Variants in IDE observed in about 807,000 individuals in gnomAD.
IDE encodes insulin-degrading enzyme.
Under a neutral mutation model 133.2 loss-of-function variants are expected in IDE, and 58 were observed. The observed-to-expected ratio is 0.44, with a 90% CI of 0.35 to 0.54. IDE has a LOEUF of 0.54. Ranked by LOEUF, IDE falls within the 20% of genes least tolerant of loss-of-function variation. IDE has a pLI of 0.00. For missense variants in IDE, 981 were observed against 1,234.0 expected (o/e 0.79, Z 3.07); for synonymous variants, 396 against 421.3 (o/e 0.94, Z 0.73).
chr10:92,548,155 T>C (rs759059800), intron 1 of IDE, among the ~76,000 whole-genome samples: 1 of 150,416 alleles, frequency 6.6e-6, no homozygotes, highest in Non-Finnish European at 1.5e-5. Context: ...AGGTCGGGAG[T>C]TCAAGACCAG....
chr10:92,537,043 AAAAAAG>A (rs1224242644), intron 2 of IDE, among the ~76,000 whole-genome samples: 5 of 152,100 alleles, frequency 3.3e-5, no homozygotes, highest in African/African-American at 1.2e-4. Flanking sequence ...CTCAAAAAAA[AAAAAAG>A]AAAAAGAAAA....
intron 1 of IDE, among the ~76,000 whole-genome samples, chr10:92,560,654 G>A (rs556079194): frequency 1.5e-4 from 23 of 152,060 alleles, no homozygotes; most frequent in Admixed American, 7.2e-4. Context: ...ATGGTGGTGC[G>A]CACCTGTAGT....
At chr10:92,539,038 T>G (rs868520714) in intron 1 of IDE, among the ~76,000 whole-genome samples, 15 of 151,360 alleles carry the variant, frequency 9.9e-5, no homozygotes, top group African/African-American at 3.4e-4. Context: ...TTAAAATCTC[T>G]AGAGATTGAG....
Position 92,531,927 on chromosome 10 carries a change from C to G in IDE, c.492-10G>C, listed in dbSNP as rs768247108. The G allele has an allele frequency of 6.8e-7, 1 of 1,468,914 alleles. No homozygotes were observed. Among genetic ancestry groups the G allele is most frequent in the South Asian group, 1.5e-5 (1 of 65,906 alleles). 91.0% of individuals were successfully genotyped at this position (1,468,914 alleles called of 1,614,324 possible). A position where few individuals can be genotyped will look rare whatever the true frequency, so the allele number is the denominator to read the frequency against. On this transcript the variant is annotated splice_polypyrimidine_tract_variant and intron_variant, in intron 3 of 24. Transcript: ENST00000265986. ...AAAAAACTGTGCAAACCTAAGGGTA[C>G]GAAACATAATTAAAACTTGAAAGAT...
intron 1 of IDE, among the ~76,000 whole-genome samples, chr10:92,565,650 C>T (rs1020985589): frequency 2.0e-5 from 3 of 152,116 alleles, no homozygotes; most frequent in African/African-American, 7.2e-5. Flanking sequence ...TATATCCATC[C>T]ATGTCCGTGT....
chr10:92,564,995 C>T (rs1040679331), intron 1 of IDE, among the ~76,000 whole-genome samples: 1 of 151,912 alleles, frequency 6.6e-6, no homozygotes, highest in Non-Finnish European at 1.5e-5. Flanking sequence ...CCTGTAATCC[C>T]AGCACTTTGG....
rs78681575 is a variant in IDE, at chr10:92,560,329, T to C, written c.98+13593A>G. On this transcript the variant is annotated intron_variant, in intron 1 of 24. Coordinates refer to ENST00000265986, the MANE Select transcript of IDE (RefSeq NM_004969.4). ...TCCTATCTGCCTTATTTATGTGACC[T>C]GACTGACCAGAAATCCTAATGTAGC... 2.5e-3 allele frequency among the ~76,000 whole-genome samples: 381 copies of C among 152,334 alleles called. 13 individuals carry two copies. The East Asian group carries it at 0.066, about 26-fold the overall frequency.
chr10:92,528,476 A>G (rs1486675540), intron 4 of IDE, among the ~76,000 whole-genome samples: 2 of 151,462 alleles, frequency 1.3e-5, no homozygotes, highest in African/African-American at 2.4e-5. Context: ...AAAAAAAAAC[A>G]GAATATAAGG....
At chr10:92,549,515 G>A (rs1842685092) in intron 1 of IDE, among the ~76,000 whole-genome samples, 4 of 151,984 alleles carry the variant, frequency 2.6e-5, no homozygotes, top group Admixed American at 2.6e-4. Context: ...ATAAAGAGAG[G>A]AGAAAAACTG....
chr10:92,474,622 G>A (rs1401580484), intron 17 of IDE: 2 of 419,248 alleles, frequency 4.8e-6, no homozygotes, highest in South Asian at 6.2e-5. Flanking sequence ...ATTTGTTTGG[G>A]TTGGGAATGT....
intron 5 of IDE, 112 bp from the exon 6 acceptor site, chr10:92,510,274 T>C: frequency 1.9e-6 from 1 of 516,842 alleles, no homozygotes; most frequent in Non-Finnish European, 3.4e-6. Flanking sequence ...GAAAGGAAAA[T>C]GTGAAAATGA....
Position 92,537,538 on chromosome 10 carries a change from C to A in IDE, c.111G>T (p.Lys37Asn). Residue 37 changes from lysine (K) to asparagine (N), a missense_variant, in exon 2 of 25, where the codon AAG (lysine) becomes AAT (asparagine). By Grantham distance (94) the Lys-to-Asn change is moderately conservative. Around this residue, in one of 2 missense-constraint regions of IDE, gnomAD observed 321 missense variants for 339.3 expected, o/e 0.95. Coordinates refer to ENST00000265986, the MANE Select transcript of IDE (RefSeq NM_004969.4). ...CTGGATTATTCATTTTGCTGTAAGT[C>A]TTTTTTTGGAAACTGAAAAGAAAGA... ...PPERLCGFQK[K>N]TYSKMNNPAI... is the part of the protein sequence containing the mutation. 1 of 1,589,602 alleles carries A rather than the reference C, an allele frequency of 6.3e-7. No homozygotes were observed. The highest frequency in any genetic ancestry group is 8.5e-7 in the Non-Finnish European group (1 of 1,172,196).
Position 92,507,604 on chromosome 10 carries a change from G to A in IDE, c.1216C>T (p.Pro406Ser). ...QYIQKLRAEG[P>S]QEWVFQECKD... is the part of the protein sequence containing the mutation. ...CACTCTTGGAAAACCCATTCTTGAG[G>A]TCCTTCTGCACGTAACTTCTGAATG... Residue 406 changes from proline to serine, a missense_variant, in exon 9 of 25, where the codon CCT becomes TCT. By Grantham distance (74) the Pro-to-Ser change is moderately conservative. This residue lies in a region of IDE where 660 missense variants were observed against 894.7 expected (regional missense o/e 0.74). Coordinates refer to ENST00000265986, the MANE Select transcript of IDE (RefSeq NM_004969.4). 6.2e-7 allele frequency: 1 copy of A among 1,608,250 alleles called. No individual in the cohort carries two copies.
chr10:92,558,049 A>G (rs905204561), intron 1 of IDE, among the ~76,000 whole-genome samples: 1 of 152,110 alleles, frequency 6.6e-6, no homozygotes, highest in Non-Finnish European at 1.5e-5. Context: ...CTAAATAATT[A>G]AACAATACAA....
chr10:92,527,176 T>C (rs749070670), intron 4 of IDE, among the ~76,000 whole-genome samples: 2 of 152,204 alleles, frequency 1.3e-5, no homozygotes, highest in Non-Finnish European at 2.9e-5. Flanking sequence ...CACATGTCTG[T>C]AGTCTATAGA....
chr10:92,571,345 T>G (rs1465409892), intron 1 of IDE, among the ~76,000 whole-genome samples: 1 of 152,152 alleles, frequency 6.6e-6, no homozygotes, highest in Non-Finnish European at 1.5e-5. Context: ...AGGCAGAATG[T>G]GTGGATTAGG....
chr10:92,524,957 C>A (rs1445525770), intron 4 of IDE, among the ~76,000 whole-genome samples: 1 of 149,792 alleles, frequency 6.7e-6, no homozygotes, highest in Non-Finnish European at 1.5e-5. Flanking sequence ...ATATACAAAT[C>A]AATAAACATG....
intron 11 of IDE, among the ~76,000 whole-genome samples, chr10:92,490,941 A>G (rs542651911): frequency 6.6e-6 from 1 of 152,306 alleles, no homozygotes; most frequent in Non-Finnish European, 1.5e-5. Context: ...AACAGTCCTA[A>G]AAAAAGCAAA....
At chr10:92,550,742 C>T (rs113450120) in intron 1 of IDE, among the ~76,000 whole-genome samples, 124 of 149,770 alleles carry the variant, frequency 8.3e-4, no homozygotes, top group African/African-American at 3.0e-3. Context: ...TGGTGGCATG[C>T]GCCTGTAGTC....
Sources: allele counts gnomAD v4.1 joint callset (sites outside exome capture counted in the v4.1 genomes callset), GRCh38; gene constraint gnomAD v4.1.1; regional missense constraint gnomAD v4.1.1; transcripts MANE v1.5; gene names NCBI Gene and HGNC (gene_info 2026-07-23, HGNC 2026-07-21).